The following LGSN variants were observed in gnomAD, a reference collection of about 807,000 sequenced individuals.
LGSN encodes lengsin.
In LGSN, 21 loss-of-function variants were observed where a neutral mutation model predicts 19.5. The ratio of observed to expected loss-of-function variants is 1.07; its 90% CI spans 0.76 to 1.55. LGSN has a LOEUF of 1.55. Ranked by LOEUF, LGSN falls within the 40% of genes most tolerant of loss-of-function variation. The pLI is 0.00. For missense variants in LGSN, 673 were observed against 608.5 expected, an observed-to-expected ratio of 1.11 and a Z score of -1.12; for synonymous variants, 257 against 215.6, an observed-to-expected ratio of 1.19 and a Z score of -1.68.
rs188610236 is a variant in LGSN at position 63,313,886 on chromosome 6, A to G, written c.30+6028T>C. On this transcript the variant is annotated intron_variant, in intron 1 of 3. Transcript: ENST00000370657. ...TAAATAAATACATACATACATACATACATACATGCATACATACATATACAC... is the reference window on the plus strand; with the variant it reads ...TAAATAAATACATACATACATACATGCATACATGCATACATACATATACAC... Among the ~76,000 whole-genome samples the G allele has an allele frequency of 5.5e-3, 837 of 151,788 alleles. 4 individuals carry two copies. The highest frequency in any genetic ancestry group is 0.019 in the African/African-American group (764 of 41,288).
At chr6:63,492,183 A>G in the LGSN span, among the ~76,000 whole-genome samples, 1 of 152,154 alleles carries the variant, frequency 6.6e-6, no homozygotes, top group Non-Finnish European at 1.5e-5. Context: ...TAAAACATCT[A>G]TTTTGTAAAT....
upstream of LGSN, among the ~76,000 whole-genome samples, chr6:63,323,634 TA>T (rs1240570613): frequency 2.6e-5 from 4 of 151,284 alleles, no homozygotes; most frequent in South Asian, 2.1e-4. Context: ...TTAGCATATT[TA>T]AAAATATAAT....
the LGSN span, among the ~76,000 whole-genome samples, chr6:63,360,823 G>C: frequency 6.6e-6 from 1 of 152,204 alleles, no homozygotes; most frequent in African/African-American, 2.4e-5. Context: ...GTGATGTACA[G>C]ATGGGGTTTT....
chr6:63,460,892 A>G, the LGSN span, among the ~76,000 whole-genome samples: 1 of 152,170 alleles, frequency 6.6e-6, no homozygotes, highest in South Asian at 2.1e-4. Context: ...AATAGACAAC[A>G]TCTACTGAGG....
At chr6:63,354,868 A>G in the LGSN span, among the ~76,000 whole-genome samples, 2 of 152,154 alleles carry the variant, frequency 1.3e-5, no homozygotes, top group African/African-American at 4.8e-5. Flanking sequence ...GTTAAGTGAA[A>G]TAATCCAGAC....
the LGSN span, among the ~76,000 whole-genome samples, chr6:63,351,101 T>G: frequency 1.3e-5 from 2 of 152,036 alleles, no homozygotes; most frequent in African/African-American, 4.8e-5. Flanking sequence ...ACAAATGGGA[T>G]TAGTGTCTTT....
chr6:63,520,666 TAAA>T, the LGSN span, among the ~76,000 whole-genome samples: 41 of 126,514 alleles, frequency 3.2e-4, no homozygotes, highest in African/African-American at 1.2e-3. Context: ...AATAAATAAA[TAAA>T]TAAAATGAAA....
At chr6:63,572,397 G>A in the LGSN span, 3 of 339,242 alleles carry the variant, frequency 8.8e-6, no homozygotes, top group Non-Finnish European at 1.6e-5. Flanking sequence ...TCGGCTCCTG[G>A]CCCGCGGTTC....
chr6:63,539,965 G>A, the LGSN span, among the ~76,000 whole-genome samples: 1 of 152,166 alleles, frequency 6.6e-6, no homozygotes, highest in Admixed American at 6.5e-5. Flanking sequence ...GTGTTGGAGG[G>A]TTTGGGGGTG....
At chr6:63,551,447 G>A in the LGSN span, among the ~76,000 whole-genome samples, 2 of 152,174 alleles carry the variant, frequency 1.3e-5, no homozygotes, top group African/African-American at 4.8e-5. Flanking sequence ...TTCACAAATA[G>A]TCACTATATG....
the LGSN span, among the ~76,000 whole-genome samples, chr6:63,515,213 GTTTT>G: frequency 9.4e-6 from 1 of 106,350 alleles, no homozygotes; most frequent in Non-Finnish European, 1.8e-5. Context: ...TTTCTAAAAA[GTTTT>G]TTTGTTTGTT....
upstream of LGSN, among the ~76,000 whole-genome samples, chr6:63,324,943 T>G (rs920892950): frequency 6.6e-6 from 1 of 151,188 alleles, no homozygotes; most frequent in African/African-American, 2.4e-5. Flanking sequence ...CCGTCCCTAC[T>G]AAAAACACAA....
the LGSN span, among the ~76,000 whole-genome samples, chr6:63,469,157 G>A: frequency 1.8e-3 from 281 of 152,264 alleles, no homozygotes; most frequent in African/African-American, 6.4e-3. Flanking sequence ...TGCCCCAATA[G>A]TACTTTTAAT....
At chr6:63,491,618 C>T in the LGSN span, among the ~76,000 whole-genome samples, 1 of 152,148 alleles carries the variant, frequency 6.6e-6, no homozygotes, top group Non-Finnish European at 1.5e-5. Context: ...AATAAATAAT[C>T]AATAACTTCC....
At chr6:63,355,472 C>T in the LGSN span, among the ~76,000 whole-genome samples, 10 of 152,272 alleles carry the variant, frequency 6.6e-5, no homozygotes, top group African/African-American at 2.2e-4. Flanking sequence ...CTGCCATAAC[C>T]AAGTACTGTA....
the LGSN span, among the ~76,000 whole-genome samples, chr6:63,333,526 AGAAT>A: frequency 6.8e-5 from 10 of 148,138 alleles, no homozygotes; most frequent in Non-Finnish European, 1.5e-4. Flanking sequence ...AAAGAACAAA[AGAAT>A]GAAAGAACGA....
the LGSN span, among the ~76,000 whole-genome samples, chr6:63,486,719 C>G: frequency 7.4e-6 from 1 of 135,268 alleles, no homozygotes; most frequent in African/African-American, 2.8e-5. Flanking sequence ...GAGTCTCACT[C>G]CATTGCCACA....
chr6:63,456,672 A>C, the LGSN span, among the ~76,000 whole-genome samples: 3 of 152,132 alleles, frequency 2.0e-5, no homozygotes, highest in Admixed American at 2.0e-4. Context: ...GCAGCTCCTT[A>C]GAGCTTGGGC....
chr6:63,296,765 A>G (rs1767991573), intron 1 of LGSN, among the ~76,000 whole-genome samples: 1 of 152,146 alleles, frequency 6.6e-6, no homozygotes, highest in African/African-American at 2.4e-5. Flanking sequence ...ATGTTTTCTC[A>G]TGGTACCCCT....
Sources: gnomAD v4.1 joint callset for allele counts (sites outside exome capture counted in the v4.1 genomes callset) on GRCh38, gnomAD v4.1.1 for gene constraint, MANE v1.5 for transcripts, NCBI Gene and HGNC (gene_info 2026-07-23, HGNC 2026-07-21) for gene names.